TTN: variants seen among roughly 807,000 people sequenced by gnomAD.
The protein encoded by TTN is titin.
Under a neutral mutation model 3,223.0 loss-of-function variants are expected in TTN, and 1,525 were observed. That is an observed-to-expected ratio of 0.47 (90% confidence interval 0.45 to 0.49). The LOEUF (loss-of-function observed/expected upper bound fraction) is 0.49. Among genes scored for constraint, TTN ranks in the 20% least tolerant of loss-of-function variants. The pLI, the probability that TTN is intolerant of heterozygous loss-of-function variation, is 0.00. For synonymous variants in TTN, 14,094 were observed against 15,161.0 expected (o/e 0.93, Z 5.17); for missense variants, 40,786 against 43,424.0 (o/e 0.94, Z 5.40).
At chr2:178,643,576 T>C (rs916546570) in intron 218 of TTN, among the ~76,000 whole-genome samples, 2 of 151,964 alleles carry the variant, frequency 1.3e-5, no homozygotes, top group African/African-American at 4.8e-5. Context: ...ATAATGAACA[T>C]AGTGAAAATA....
At chr2:178,749,997 G>C (rs777776946) in intron 47 of TTN, 1 of 1,613,128 alleles carries the variant, frequency 6.2e-7, no homozygotes, top group Non-Finnish European at 8.5e-7. Flanking sequence ...TGATCTTGAG[G>C]CATTGCTTTA....
In TTN at chr2:178,609,717, C is replaced by G. The variant is rs1208923941; in HGVS notation, c.51706G>C (p.Ala17236Pro). Residue 17236 changes from alanine to proline, a missense_variant, in exon 272 of 363, where the codon GCT (alanine) becomes CCT (proline). By Grantham distance (27) the Ala-to-Pro change is conservative. Coordinates refer to ENST00000589042, the MANE Select transcript of TTN (RefSeq NM_001267550.2). Reference protein sequence around the residue: ...NAAGISEPSRATPPTKAVDPI... With the variant: ...NAAGISEPSRPTPPTKAVDPI... The stretch of plus-strand genomic sequence containing the variant: ...TCTACAGCTTTGGTTGGAGGAGTAG[C>G]CCGAGAAGGTTCACTAATACCCGCG... 3.7e-6 allele frequency: 6 copies of G among 1,606,378 alleles called. No homozygotes were observed. The highest frequency in any genetic ancestry group is 5.1e-6 in the Non-Finnish European group (6 of 1,175,044).
rs202141158 is a variant in TTN, at chr2:178,615,483, C to T, written c.48462G>A (p.Thr16154=). Residue 16154 remains threonine, a splice_region_variant and synonymous_variant, in exon 259 of 363, where the codon ACG becomes ACA. Coordinates refer to ENST00000589042, the MANE Select transcript of TTN (RefSeq NM_001267550.2). The part of the protein sequence containing the change: ...DEPVNMSTPA[T]VPDPPENVKW... ...TAACATTCTCTGGTGGGTCAGGTAC[C>T]GCTACAACATTTGGAAGAGAGAGTC... 139 of 1,610,512 alleles carry T rather than the reference C, an allele frequency of 8.6e-5. No homozygotes were observed. The highest frequency in any genetic ancestry group is 1.0e-4 in the Admixed American group (6 of 59,692).
intron 282 of TTN, among the ~76,000 whole-genome samples, chr2:178,603,244 A>G (rs1313407149): frequency 6.6e-6 from 1 of 152,042 alleles, no homozygotes; most frequent in Non-Finnish European, 1.5e-5. Flanking sequence ...TGCTCCACAT[A>G]GCACTTGAGT....
At chr2:178,622,835 T>C (rs2058498351) in intron 242 of TTN, 68 bp from the exon 243 acceptor site, 2 of 1,191,382 alleles carry the variant, frequency 1.7e-6, no homozygotes, top group South Asian at 2.8e-5. Context: ...TACCATAGTA[T>C]ACATTAAGAA....
rs2057140614 is a variant in TTN, at chr2:178,615,357, T to G, written c.48588A>C (p.Pro16196=). The part of the protein sequence containing the change: ...RIKGYIVERC[P]RGSDKWVACG... ...AGGCAACCCATTTATCAGAACCACGTGGACATCTTTCAACTATATATCCTT... is the reference window on the plus strand; with the variant it reads ...AGGCAACCCATTTATCAGAACCACGGGGACATCTTTCAACTATATATCCTT... The change falls in exon 259 of 363, where the codon CCA becomes CCC. Residue 16196 remains proline (P), a synonymous_variant. Coordinates refer to ENST00000589042, the MANE Select transcript of TTN (RefSeq NM_001267550.2). 1 of 1,612,538 alleles carries G rather than the reference T, an allele frequency of 6.2e-7. No homozygotes were observed. Among genetic ancestry groups the G allele is most frequent in the South Asian group, 1.1e-5 (1 of 90,998 alleles).
In TTN at chr2:178,793,526, C is replaced by A. The variant is rs760902593; in HGVS notation, c.1414G>T (p.Glu472Ter). 6.2e-7 allele frequency: 1 copy of A among 1,613,810 alleles called. No homozygotes were observed. The highest frequency in any genetic ancestry group is 8.5e-7 in the Non-Finnish European group (1 of 1,180,016). Residue 472 changes from glutamate to a stop codon, truncating the protein, a stop_gained, in exon 9 of 363, where the codon GAG becomes TAG. Coordinates refer to ENST00000589042, the MANE Select transcript of TTN (RefSeq NM_001267550.2). LOFTEE classifies it high-confidence loss of function. ...ACTACCTTAGTTACAGCAGTCTTCT[C>A]CGCTTCCTTTCTTACCTGCTTTTCA... is the stretch of plus-strand genomic sequence containing the variant. ...PAQEQVRKEA[E>*]KTAVTKVVVA...
chr2:178,611,944 C>G lies in TTN; in HGVS notation c.50365G>C (p.Glu16789Gln), dbSNP rs762522321. The G allele has an allele frequency of 6.2e-7, 1 of 1,611,296 alleles. No individual in the cohort carries two copies. The highest frequency in any genetic ancestry group is 1.3e-5 in the African/African-American group (1 of 74,704). Residue 16789 changes from glutamate (E) to glutamine (Q), a missense_variant, in exon 268 of 363, where the codon GAG becomes CAG. By Grantham distance (29) the Glu-to-Gln change is conservative (BLOSUM62 2). Transcript: ENST00000589042. Reference protein sequence around the residue: ...GGRPIQRYVIEKKERLGTRWV... With the variant: ...GGRPIQRYVIQKKERLGTRWV... ...CGGGTACCTAACCTTTCTTTCTTCT[C>G]AATGACATATCTATTGAAACAACAA...
intron 147 of TTN, 73 bp from the exon 148 acceptor site, chr2:178,676,068 C>A (rs2068023734): frequency 1.5e-6 from 2 of 1,375,696 alleles, no homozygotes; most frequent in Non-Finnish European, 2.0e-6. Flanking sequence ...AGACCCCACA[C>A]CCAGAAAGAC....
At position 178,624,680 on chromosome 2, in the gene TTN, C is replaced by G. The variant is rs1317888739; in HGVS notation, c.44600G>C (p.Gly14867Ala). ...KPLEDQTVEE[G>A]ATAVLECEVS... ...TTCACACTCCAGCACTGCAGTGGCT[C>G]CCTCTTCGACCGTCTGGTCCTCAAG... is the stretch of plus-strand genomic sequence containing the variant. The change falls in exon 242 of 363, where the codon GGA (glycine) becomes GCA (alanine). Residue 14867 changes from glycine (G) to alanine (A), a missense_variant. Physicochemically the swap from Gly to Ala is moderately conservative, Grantham distance 60. Transcript: ENST00000589042. The G allele has an allele frequency of 6.2e-7, 1 of 1,612,296 alleles. No homozygotes were observed. The highest frequency in any genetic ancestry group is 8.5e-7 in the Non-Finnish European group (1 of 1,179,036).
At position 178,664,106 on chromosome 2, in the gene TTN, G is replaced by T. The variant is rs752208578; in HGVS notation, c.36281-8C>A. 1.2e-5 allele frequency: 20 copies of T among 1,604,106 alleles called. No individual in the cohort carries two copies. Among genetic ancestry groups the T allele is most frequent in the Non-Finnish European group, 1.7e-5 (20 of 1,176,888 alleles). ...CTTTGGGAGCTTCGTGCACTTGAAAGATATTAGTATTTTTACACTCAGAAA... is the reference window on the plus strand; with the variant it reads ...CTTTGGGAGCTTCGTGCACTTGAAATATATTAGTATTTTTACACTCAGAAA... On this transcript the variant is annotated splice_polypyrimidine_tract_variant and splice_region_variant and intron_variant, in intron 168 of 362. Coordinates refer to ENST00000589042, the MANE Select transcript of TTN (RefSeq NM_001267550.2).
In TTN at chr2:178,540,681, A is replaced by C. The variant is rs553883508; in HGVS notation, c.97796-311T>G. On this transcript the variant is annotated intron_variant, in intron 350 of 362. Coordinates refer to ENST00000589042, the MANE Select transcript of TTN (RefSeq NM_001267550.2). ...CGTGGTGGCAGGCACCTGTAATCCC[A>C]GCTACTCAGGAGGCTGAGGCAGAAG... Among the ~76,000 whole-genome samples, 32 of 152,240 alleles carry C rather than the reference A, an allele frequency of 2.1e-4. No homozygotes were observed. The South Asian group carries it at 6.2e-3, about 30-fold the overall frequency.
At chr2:178,697,068 A>G (rs1448627912) in intron 113 of TTN, 53 bp downstream of exon 113, 3 of 1,416,778 alleles carry the variant, frequency 2.1e-6, no homozygotes, top group Admixed American at 2.0e-5. Context: ...AATAGTTAGC[A>G]GAAGTGCAAA....
Position 178,783,052 on chromosome 2 carries a change from C to G in TTN, c.2854G>C (p.Val952Leu), listed in dbSNP as rs373848402. 6.2e-6 allele frequency: 10 copies of G among 1,613,934 alleles called. No individual in the cohort carries two copies. In the African/African-American group the frequency reaches 1.2e-4, roughly 19 times the overall value. Reference protein sequence around the residue: ...PPTLVSGLKNVTVIEGESVTL... With the variant: ...PPTLVSGLKNLTVIEGESVTL... ...ACAGATTCACCTTCTATGACAGTCA[C>G]ATTTTTTAAGCCCTGAAGAGAGGAG... The change falls in exon 18 of 363, where the codon GTG becomes CTG. Residue 952 changes from valine (V) to leucine (L), a missense_variant. By Grantham distance (32) the Val-to-Leu change is conservative (BLOSUM62 1). Transcript: ENST00000589042.
At position 178,557,952 on chromosome 2, in the gene TTN, C is replaced by T. The variant is rs1559261627; in HGVS notation, c.87402G>A (p.Val29134=). The change falls in exon 328 of 363, where the codon GTG becomes GTA. Residue 29134 remains valine (V), a synonymous_variant. Coordinates refer to ENST00000589042, the MANE Select transcript of TTN (RefSeq NM_001267550.2). ...CAGTTGGAGGACCAGGCCTGTCTAG[C>T]ACAACAATGTTAATGAAAGCTTTGG... is the stretch of plus-strand genomic sequence containing the variant. The part of the protein sequence containing the change: ...GTTKAFINIV[V]LDRPGPPTGP... 1 of 1,613,192 alleles carries T rather than the reference C, an allele frequency of 6.2e-7. No individual in the cohort carries two copies. Among genetic ancestry groups the T allele is most frequent in the East Asian group, 2.2e-5 (1 of 44,876 alleles).
At position 178,544,241 on chromosome 2, in the gene TTN, G is replaced by T; in HGVS notation, c.95988C>A (p.Tyr31996Ter). Reference sequence around the variant, plus strand: ...GCTCAATTTCAGCAATTGATTCGCTGTATTCGCTCATACCCTTCACGTTCA... The same window carrying T: ...GCTCAATTTCAGCAATTGATTCGCTTTATTCGCTCATACCCTTCACGTTCA... ...AAVNVKGMSEYSESIAEIEPV... is the reference protein window; with the variant it reads ...AAVNVKGMSE Residue 31996 changes from tyrosine to a stop codon, truncating the protein, a stop_gained, in exon 345 of 363, where the codon TAC (tyrosine) becomes TAA (stop). Transcript: ENST00000589042. LOFTEE classifies it high-confidence loss of function. The T allele has an allele frequency of 6.2e-7, 1 of 1,613,778 alleles. No homozygotes were observed.
At chr2:178,696,978 T>C in intron 113 of TTN, 143 bp downstream of exon 113, 3 of 681,366 alleles carry the variant, frequency 4.4e-6, no homozygotes, top group South Asian at 4.3e-5. Context: ...GAAATAGCCA[T>C]CATTTCTAAT....
In TTN at chr2:178,537,202, G is replaced by A; in HGVS notation, c.99907C>T (p.Leu33303=). Residue 33303 remains leucine, a synonymous_variant, in exon 356 of 363, where the codon CTA becomes TTA. Coordinates refer to ENST00000589042, the MANE Select transcript of TTN (RefSeq NM_001267550.2). ...CTGATCACTGCGGAGTTCTTCAATA[G>A]AGCTTCGATCACAATTGGTCCTGTA... ...KPTGPIVIEA[L]LKNSAVISWK... 1 of 1,611,514 alleles carries A rather than the reference G, an allele frequency of 6.2e-7. No homozygotes were observed. The highest frequency in any genetic ancestry group is 2.2e-5 in the East Asian group (1 of 44,824).
intron 360 of TTN, 27 bp from the exon 361 acceptor site, chr2:178,528,454 T>C (rs1687501337): frequency 1.2e-6 from 2 of 1,606,748 alleles, no homozygotes; most frequent in Middle Eastern, 1.7e-4. Context: ...AGAAAAGAAA[T>C]GTTGAAGTTC....
Sources: allele counts gnomAD v4.1 joint callset (sites outside exome capture counted in the v4.1 genomes callset), GRCh38; gene constraint gnomAD v4.1.1; transcripts MANE v1.5; gene names NCBI Gene and HGNC (gene_info 2026-07-23, HGNC 2026-07-21).